The following FGF12 variants were observed in gnomAD, a reference collection of about 807,000 sequenced individuals.
The protein encoded by FGF12 is fibroblast growth factor 12B.
A neutral mutation model predicts 23.6 loss-of-function variants in FGF12; 14 were observed. The observed-to-expected ratio is 0.59, with a 90% confidence interval of 0.39 to 0.93. The LOEUF (loss-of-function observed/expected upper bound fraction) is 0.93, where lower values mean the gene tolerates loss of function less well. FGF12 is among the 40% of genes least tolerant of loss of function. The pLI is 0.00. For synonymous variants in FGF12, 62 were observed against 77.3 expected (o/e 0.80, Z 1.04); for missense variants, 175 against 217.8 (o/e 0.80, Z 1.24).
chr3:192,364,331 T>C (rs895520974), intron 2 of FGF12, among the ~76,000 whole-genome samples: 3 of 152,214 alleles, frequency 2.0e-5, no homozygotes, highest in Non-Finnish European at 2.9e-5. Flanking sequence ...TTTAAAATTA[T>C]GCTCTTCCAT....
intron 4 of FGF12, among the ~76,000 whole-genome samples, chr3:192,230,438 T>A (rs1186108535): frequency 6.6e-6 from 1 of 152,138 alleles, no homozygotes; most frequent in Admixed American, 6.5e-5. Flanking sequence ...CGGCAAGGAT[T>A]GCCTTCAAAT....
chr3:192,589,377 A>G (rs1482346139), intron 2 of FGF12, among the ~76,000 whole-genome samples: 2 of 151,704 alleles, frequency 1.3e-5, no homozygotes, highest in African/African-American at 4.8e-5. Flanking sequence ...AAAGAAAACA[A>G]CTGCTACTGG....
At chr3:192,500,500 C>T (rs949703682) in intron 2 of FGF12, among the ~76,000 whole-genome samples, 16 of 152,080 alleles carry the variant, frequency 1.1e-4, no homozygotes, top group African/African-American at 3.6e-4. Flanking sequence ...CTACAAATTT[C>T]GCTCTATGCC....
intron 2 of FGF12, among the ~76,000 whole-genome samples, chr3:192,659,385 T>C (rs1716567344): frequency 1.3e-5 from 2 of 152,200 alleles, no homozygotes; most frequent in South Asian, 2.1e-4. Flanking sequence ...AAGATGAGCA[T>C]GTGGCCTCAT....
intron 4 of FGF12, among the ~76,000 whole-genome samples, chr3:192,200,069 C>T (rs7624728): frequency 0.03 from 4,583 of 151,754 alleles, 232 homozygotes; most frequent in African/African-American, 0.1. Context: ...GTAATCCCAG[C>T]GCTTTGGGAG....
At chr3:192,602,382 C>G (rs1213875752) in intron 2 of FGF12, among the ~76,000 whole-genome samples, 2 of 152,228 alleles carry the variant, frequency 1.3e-5, no homozygotes, top group East Asian at 3.9e-4. Flanking sequence ...ACATCATGGT[C>G]AGGGAAGCTC....
chr3:192,200,683 C>A (rs185374245), intron 4 of FGF12, among the ~76,000 whole-genome samples: 2 of 152,118 alleles, frequency 1.3e-5, no homozygotes, highest in Non-Finnish European at 2.9e-5. Context: ...GCCATGTGAT[C>A]CTGGACAAGA....
intron 2 of FGF12, among the ~76,000 whole-genome samples, chr3:192,597,944 C>T (rs139756871): frequency 6.6e-6 from 1 of 152,274 alleles, no homozygotes; most frequent in African/African-American, 2.4e-5. Flanking sequence ...AATAAATGCT[C>T]ATAAACTGTA....
At chr3:192,489,709 T>C (rs929192333) in intron 2 of FGF12, among the ~76,000 whole-genome samples, 1 of 152,004 alleles carries the variant, frequency 6.6e-6, no homozygotes. Context: ...TATCTGGAAC[T>C]GCAACAACTA....
chr3:192,352,304 A>G (rs551115797), intron 3 of FGF12, among the ~76,000 whole-genome samples: 1 of 152,332 alleles, frequency 6.6e-6, no homozygotes, highest in Admixed American at 6.5e-5. Context: ...TCCTGGGGGC[A>G]GAGGAAAGAT....
intron 4 of FGF12, among the ~76,000 whole-genome samples, chr3:192,254,839 ATCCT>A (rs1318605394): frequency 1.3e-5 from 2 of 152,102 alleles, no homozygotes; most frequent in East Asian, 1.9e-4. Flanking sequence ...TAACAAATAG[ATCCT>A]TCCTTAATAT....
chr3:192,674,532 A>T (rs1386141402), intron 2 of FGF12, among the ~76,000 whole-genome samples: 1 of 152,218 alleles, frequency 6.6e-6, no homozygotes, highest in East Asian at 1.9e-4. Context: ...ATTTTCTTCT[A>T]CTGCATAAGG....
chr3:192,430,494 A>G (rs779564899), intron 2 of FGF12, among the ~76,000 whole-genome samples: 2 of 152,196 alleles, frequency 1.3e-5, no homozygotes, highest in South Asian at 2.1e-4. Context: ...TAAAGATGGT[A>G]AAGTTTATCT....
intron 2 of FGF12, among the ~76,000 whole-genome samples, chr3:192,459,838 A>AGT (rs35153893): frequency 0.046 from 6,976 of 150,444 alleles, 166 homozygotes; most frequent in African/African-American, 0.07. Context: ...ATGTATGTTT[A>AGT]GTGTGTGTGT....
intron 2 of FGF12, among the ~76,000 whole-genome samples, chr3:192,586,447 G>T (rs1409241828): frequency 1.3e-5 from 2 of 152,070 alleles, no homozygotes; most frequent in Non-Finnish European, 2.9e-5. Flanking sequence ...TTTAATGAAA[G>T]AATGTAAATA....
At chr3:192,301,019 C>A (rs567696250) in intron 4 of FGF12, among the ~76,000 whole-genome samples, 1 of 151,948 alleles carries the variant, frequency 6.6e-6, no homozygotes, top group Admixed American at 6.6e-5. Flanking sequence ...AGAAAATTCC[C>A]GAAAGATTGT....
At position 192,369,528 on chromosome 3, in the gene FGF12, A is replaced by C. The variant is rs141990783; in HGVS notation, c.14-8990T>G. ...ATTTTTGGAGTTTCCTCTTCACCAA[A>C]GCAGTCTGAGCTGTAGAAGACATGA... On this transcript the variant is annotated intron_variant, in intron 2 of 5. Transcript: ENST00000445105. 4.1e-3 allele frequency among the ~76,000 whole-genome samples: 623 copies of C among 152,342 alleles called. 1 individual carries two copies. Among genetic ancestry groups the C allele is most frequent in the African/African-American group, 0.015 (606 of 41,576 alleles).
At chr3:192,229,149 T>C (rs1169649436) in intron 4 of FGF12, among the ~76,000 whole-genome samples, 1 of 150,952 alleles carries the variant, frequency 6.6e-6, no homozygotes, top group East Asian at 1.9e-4. Context: ...ATTTTATGGA[T>C]CTAAGTGAAT....
At chr3:192,255,229 A>G (rs957888741) in intron 4 of FGF12, among the ~76,000 whole-genome samples, 1 of 152,062 alleles carries the variant, frequency 6.6e-6, no homozygotes, top group African/African-American at 2.4e-5. Flanking sequence ...ACATTATAAA[A>G]CCTCAATAAA....
Sources: allele counts gnomAD v4.1 joint callset (sites outside exome capture counted in the v4.1 genomes callset), GRCh38; gene constraint gnomAD v4.1.1; transcripts MANE v1.5; gene names NCBI Gene and HGNC (gene_info 2026-07-23, HGNC 2026-07-21).